The following HR variants were observed in gnomAD, a reference collection of about 807,000 sequenced individuals.
The protein encoded by HR is lysine-specific demethylase hairless.
Under a neutral mutation model 128.6 loss-of-function variants are expected in HR, and 83 were observed. The ratio of observed to expected loss-of-function variants is 0.65; its 90% confidence interval spans 0.54 to 0.77. The LOEUF (loss-of-function observed/expected upper bound fraction) is 0.77, where lower values mean the gene tolerates loss of function less well. Among genes scored for constraint, HR ranks in the 30% least tolerant of loss-of-function variants. The pLI, the probability that HR is intolerant of heterozygous loss-of-function variation, is 0.00. For missense variants in HR, 1,490 were observed against 1,574.6 expected (o/e 0.95, Z 0.91); for synonymous variants, 681 against 658.2 (o/e 1.03, Z -0.53).
Position 22,123,636 on chromosome 8 carries a change from G to A in HR, c.1915+13C>T. 9 of 68,028 alleles carry A rather than the reference G, an allele frequency of 1.3e-4. No homozygotes were observed. The highest frequency in any genetic ancestry group is 4.7e-4 in the South Asian group (5 of 10,628). 4.2% of individuals were successfully genotyped at this position (68,028 alleles called of 1,614,324 possible). On this transcript the variant is annotated intron_variant, in intron 6 of 18. Coordinates refer to ENST00000381418, the MANE Select transcript of HR (RefSeq NM_005144.5). ...GCTCCATCCCGCCCTCCCACCCCCA[G>A]CCCCTCTCCTACCTGCTTTCTCCCT...
At position 22,129,160 on chromosome 8, in the gene HR, G is replaced by A. The variant is rs370699592; in HGVS notation, c.11C>T (p.Thr4Met). 1.0e-5 allele frequency: 16 copies of A among 1,540,460 alleles called. No homozygotes were observed. Among genetic ancestry groups the A allele is most frequent in the South Asian group, 5.2e-5 (4 of 77,128 alleles). Residue 4 changes from threonine (T) to methionine (M), a missense_variant, in exon 2 of 19, where the codon ACG becomes ATG. Physicochemically the swap from Thr to Met is moderately conservative, Grantham distance 81. Around this residue, in one of 3 missense-constraint regions of HR, gnomAD observed 1,060 missense variants for 1,060.9 expected, o/e 1.00. Transcript: ENST00000381418. The part of the protein sequence containing the change: MES[T>M]PSFLKGTPTW... ...TGGGGTGCCCTTCAGGAAGCTGGGC[G>A]TACTCTCCATCACTCTCCTGCCCTC...
At position 22,127,592 on chromosome 8, in the gene HR, G is replaced by T; in HGVS notation, c.850C>A (p.Pro284Thr). The change falls in exon 3 of 19, where the codon CCA (proline) becomes ACA (threonine). Residue 284 changes from proline to threonine, a missense_variant. Physicochemically the swap from Pro to Thr is conservative, Grantham distance 38. Coordinates refer to ENST00000381418, the MANE Select transcript of HR (RefSeq NM_005144.5). Reference sequence around the variant, plus strand: ...TTGCCAAGAGTATGAACAAGGCCTGGGGGACAAGCGGGCCAGGAGGTCCAG... The same window carrying T: ...TTGCCAAGAGTATGAACAAGGCCTGTGGGACAAGCGGGCCAGGAGGTCCAG... ...VPWTSWPACPPGLVHTLGNVW... is the reference protein window; with the variant it reads ...VPWTSWPACPTGLVHTLGNVW... 1 of 1,612,054 alleles carries T rather than the reference G, an allele frequency of 6.2e-7. No individual in the cohort carries two copies.
At position 22,115,589 on chromosome 8, in the gene HR, G is replaced by C. The variant is rs1826564775; in HGVS notation, c.*111C>G. The stretch of plus-strand genomic sequence containing the variant: ...CTTGTGCCCAGAGTGGTGCTTGTGG[G>C]GTTGACCAGAAATCCCCAAGTCCCC... On this transcript the variant is annotated 3_prime_UTR_variant, in exon 19 of 19. Transcript: ENST00000381418. 1 of 933,376 alleles carries C rather than the reference G, an allele frequency of 1.1e-6. No homozygotes were observed. Among genetic ancestry groups the C allele is most frequent in the African/African-American group, 1.6e-5 (1 of 61,372 alleles). 57.8% of individuals were successfully genotyped at this position (933,376 alleles called of 1,614,324 possible).
chr8:22,121,859 C>T (rs1430521197), intron 8 of HR, among the ~76,000 whole-genome samples, 165 bp from the exon 9 acceptor site: 2 of 152,128 alleles, frequency 1.3e-5, no homozygotes, highest in Admixed American at 6.5e-5. Context: ...AAAAAAGTTG[C>T]TCATGGACTT....
intron 11 of HR, 97 bp downstream of exon 11, chr8:22,120,618 TC>T: frequency 3.2e-6 from 5 of 1,574,708 alleles, no homozygotes; most frequent in South Asian, 2.2e-5. Flanking sequence ...GCCCTCCTGC[TC>T]CCCCTGAGCC....
At chr8:22,123,616 A>AGGGGGGGGCCCCC in intron 6 of HR, 33 bp downstream of exon 6, 3 of 562,348 alleles carry the variant, frequency 5.3e-6, no homozygotes, top group Non-Finnish European at 9.0e-6. Context: ...TGAGGGCTCC[A>AGGGGGGGGCCCCC]TCCCGCCCTC....
At chr8:22,119,430 A>ACC (rs1185502536) in intron 14 of HR, 147 bp from the exon 15 acceptor site, 1 of 1,195,624 alleles carries the variant, frequency 8.4e-7, no homozygotes, top group East Asian at 2.6e-5. Context: ...ACATGGAGAA[A>ACC]CCCCCTCTCT....
At position 22,125,612 on chromosome 8, in the gene HR, C is replaced by G; in HGVS notation, c.1526G>C (p.Gly509Ala). 1 of 1,607,688 alleles carries G rather than the reference C, an allele frequency of 6.2e-7. No individual in the cohort carries two copies. Residue 509 changes from glycine (G) to alanine (A), a missense_variant, in exon 4 of 19, where the codon GGG becomes GCG. By Grantham distance (60) the Gly-to-Ala change is moderately conservative (BLOSUM62 0). Around this residue, in one of 3 missense-constraint regions of HR, gnomAD observed 1,060 missense variants for 1,060.9 expected, o/e 1.00. Coordinates refer to ENST00000381418, the MANE Select transcript of HR (RefSeq NM_005144.5). ...CACTTGCTGAGAGTGGCAGGCGTGC[C>G]CTCCTCCCTCTCCAGCTGCCTGGGC... ...SCAQAAGEGG[G>A]HACHSQQVRR...
At chr8:22,123,617 T>TTGGCCCCC in intron 6 of HR, 32 bp downstream of exon 6, 1 of 292,088 alleles carries the variant, frequency 3.4e-6, no homozygotes, top group Non-Finnish European at 6.2e-6. Flanking sequence ...GAGGGCTCCA[T>TTGGCCCCC]CCCGCCCTCC....
chr8:22,128,113 G>C (rs1267220621), intron 2 of HR: 3 of 565,882 alleles, frequency 5.3e-6, no homozygotes, highest in Admixed American at 3.0e-5. Flanking sequence ...GGGCCATTTG[G>C]TGTCCTGTGC....
At position 22,127,644 on chromosome 8, in the gene HR, G is replaced by A. The variant is rs1242558832; in HGVS notation, c.798C>T (p.Leu266=). Residue 266 remains leucine (L), a synonymous_variant, in exon 3 of 19, where the codon CTC becomes CTT. Transcript: ENST00000381418. The part of the protein sequence containing the change: ...GAGRQQNPCP[L]FLGQPDTVPW... ...GCACAGTGTCTGGCTGCCCCAGGAA[G>A]AGCGGGCAAGGATTCTGCTGCCGGC... The A allele has an allele frequency of 1.2e-6, 2 of 1,609,478 alleles. No individual in the cohort carries two copies. Among genetic ancestry groups the A allele is most frequent in the Non-Finnish European group, 1.7e-6 (2 of 1,178,842 alleles).
rs775885801 is a variant in HR at position 22,115,658 on chromosome 8, G to A, written c.*42C>T. On this transcript the variant is annotated 3_prime_UTR_variant, in exon 19 of 19. Transcript: ENST00000381418. ...AAGTTGTGCCTGGGCTGAGCACCTG[G>A]TCTACCTGTCCCCACCCCGATCCCA... 8 of 1,578,684 alleles carry A rather than the reference G, an allele frequency of 5.1e-6. 1 individual carries two copies. The South Asian group carries it at 8.9e-5, about 17-fold the overall frequency.
At chr8:22,119,102 G>A in intron 15 of HR, 37 bp from the exon 16 acceptor site, 1 of 1,613,654 alleles carries the variant, frequency 6.2e-7, no homozygotes, top group Non-Finnish European at 8.5e-7. Context: ...GCCCAGGGCT[G>A]GTGGCGACAA....
intron 6 of HR, 33 bp downstream of exon 6, chr8:22,123,616 A>ACT: frequency 2.3e-5 from 13 of 562,330 alleles, no homozygotes; most frequent in South Asian, 4.4e-5. Context: ...TGAGGGCTCC[A>ACT]TCCCGCCCTC....
intron 3 of HR, 143 bp from the exon 4 acceptor site, chr8:22,125,875 C>A: frequency 1.1e-6 from 1 of 950,256 alleles, no homozygotes; most frequent in Non-Finnish European, 1.6e-6. Context: ...TCAGAACCAG[C>A]AAGAGTGGAC....
At chr8:22,121,750 C>T in intron 8 of HR, 56 bp from the exon 9 acceptor site, 2 of 1,519,654 alleles carry the variant, frequency 1.3e-6, no homozygotes, top group African/African-American at 1.4e-5. Flanking sequence ...AAATGGCAGA[C>T]ACAATTCAAC....
Position 22,120,127 on chromosome 8 carries a change from AG to A in HR, c.2822del (p.Ala941ValfsTer13). On this transcript the variant is annotated frameshift_variant, in exon 13 of 19. Transcript: ENST00000381418. LOFTEE classifies it high-confidence loss of function. The part of the protein sequence containing the change: ...DEGSVLLLHR[A>X]LGDEDTSRVE... Reference sequence around the variant, plus strand: ...ACCTGCTGGTGTCCTCATCCCCCAAAGCTCGGTGCAGCAGGAGGACAGAGCC... The same window carrying A: ...ACCTGCTGGTGTCCTCATCCCCCAAACTCGGTGCAGCAGGAGGACAGAGCC... 1 of 1,591,982 alleles carries A rather than the reference AG, an allele frequency of 6.3e-7. No individual in the cohort carries two copies. Among genetic ancestry groups the A allele is most frequent in the Non-Finnish European group, 8.5e-7 (1 of 1,170,108 alleles).
intron 1 of HR, among the ~76,000 whole-genome samples, chr8:22,129,938 C>T (rs1827006732): frequency 6.6e-6 from 1 of 152,174 alleles, no homozygotes; most frequent in Non-Finnish European, 1.5e-5. Flanking sequence ...GGGAAGAGCG[C>T]GCCGGCACAG....
Position 22,119,031 on chromosome 8 carries a change from C to A in HR, c.3132G>T (p.Trp1044Cys). Residue 1044 changes from tryptophan to cysteine, a missense_variant, in exon 16 of 19, where the codon TGG becomes TGT. Physicochemically the swap from Trp to Cys is radical, Grantham distance 215. Around this residue, in one of 3 missense-constraint regions of HR, gnomAD observed 423 missense variants for 495.9 expected, o/e 0.85. Coordinates refer to ENST00000381418, the MANE Select transcript of HR (RefSeq NM_005144.5). ...CAGTGCTGACCTGGCTGCCCGGAGA[C>A]CAGAGCCCCTCCCCGTCCAGGCCTG... ...FLSGLDGEGLWSPGSQVSTVW... is the reference protein window; with the variant it reads ...FLSGLDGEGLCSPGSQVSTVW... The A allele has an allele frequency of 6.2e-7, 1 of 1,613,232 alleles. No individual in the cohort carries two copies. Among genetic ancestry groups the A allele is most frequent in the Non-Finnish European group, 8.5e-7 (1 of 1,179,928 alleles).
Sources: allele counts gnomAD v4.1 joint callset (sites outside exome capture counted in the v4.1 genomes callset), GRCh38; gene constraint gnomAD v4.1.1; regional missense constraint gnomAD v4.1.1; transcripts MANE v1.5; gene names NCBI Gene and HGNC (gene_info 2026-07-23, HGNC 2026-07-21).